Variants in CNTN1 observed in about 807,000 individuals in gnomAD.
CNTN1 encodes the protein contactin-1.
Under a neutral mutation model 126.4 loss-of-function variants are expected in CNTN1, and 38 were observed. That is an observed-to-expected ratio of 0.30 (90% CI 0.23 to 0.39). The LOEUF (loss-of-function observed/expected upper bound fraction) is 0.39, where lower values mean the gene tolerates loss of function less well. Among genes scored for constraint, CNTN1 ranks in the 10% least tolerant of loss-of-function variants. CNTN1 has a pLI of 1.00. For synonymous variants in CNTN1, 413 were observed against 422.6 expected (o/e 0.98, Z 0.28); for missense variants, 1,009 against 1,248.4 (o/e 0.81, Z 2.89).
intron 1 of CNTN1, among the ~76,000 whole-genome samples, chr12:40,705,970 C>T (rs1941728359): frequency 6.6e-6 from 1 of 151,890 alleles, no homozygotes; most frequent in Admixed American, 6.6e-5. Flanking sequence ...TGGTGCTAAA[C>T]CATTCATGAG....
In CNTN1 at chr12:40,785,950, G is replaced by A. The variant is rs144249498; in HGVS notation, c.-77+93358G>A. On this transcript the variant is annotated intron_variant, in intron 1 of 23. Coordinates refer to ENST00000551295, the MANE Select transcript of CNTN1 (RefSeq NM_001843.4). ...TTGACCTGGCCTCACCTACAACATT[G>A]GGGATTACATTTCGACATGAGATTC... is the stretch of plus-strand genomic sequence containing the variant. Among the ~76,000 whole-genome samples, 13 of 152,172 alleles carry A rather than the reference G, an allele frequency of 8.5e-5. No homozygotes were observed. In the East Asian group the frequency reaches 2.5e-3, roughly 29 times the overall value.
At chr12:40,927,911 A>G (rs1462722041) in intron 6 of CNTN1, among the ~76,000 whole-genome samples, 3 of 152,010 alleles carry the variant, frequency 2.0e-5, no homozygotes, top group Non-Finnish European at 4.4e-5. Context: ...TCCTTTTCAC[A>G]CATCTCTTAT....
At chr12:40,807,341 C>T (rs1210534523) in intron 1 of CNTN1, among the ~76,000 whole-genome samples, 1 of 151,942 alleles carries the variant, frequency 6.6e-6, no homozygotes, top group East Asian at 1.9e-4. Context: ...TTATCCCCAT[C>T]CCTACATGGT....
At chr12:41,023,476 G>C (rs926816335) in intron 20 of CNTN1, among the ~76,000 whole-genome samples, 9 of 152,178 alleles carry the variant, frequency 5.9e-5, no homozygotes, top group Admixed American at 5.9e-4. Context: ...AAGAATACAA[G>C]AAGTCTTTCT....
At chr12:40,747,965 T>G (rs528113313) in intron 1 of CNTN1, among the ~76,000 whole-genome samples, 2 of 152,292 alleles carry the variant, frequency 1.3e-5, no homozygotes, top group East Asian at 3.9e-4. Flanking sequence ...TAGATCTCTG[T>G]GCAGGCAGAG....
intron 23 of CNTN1, among the ~76,000 whole-genome samples, chr12:41,036,983 C>G (rs1411559603): frequency 1.3e-5 from 2 of 152,072 alleles, no homozygotes; most frequent in Non-Finnish European, 2.9e-5. Flanking sequence ...TGTAAATATA[C>G]AGATGTATTT....
chr12:40,990,996 G>A (rs79909798), intron 16 of CNTN1, among the ~76,000 whole-genome samples: 1 of 152,114 alleles, frequency 6.6e-6, no homozygotes, highest in African/African-American at 2.4e-5. Context: ...CTCACAAATA[G>A]CTCCATCAGC....
intron 1 of CNTN1, among the ~76,000 whole-genome samples, chr12:40,753,254 T>C (rs1428343021): frequency 6.6e-6 from 1 of 152,160 alleles, no homozygotes; most frequent in African/African-American, 2.4e-5. Context: ...TGTTGCTTTC[T>C]TAACTTTCTG....
intron 1 of CNTN1, among the ~76,000 whole-genome samples, chr12:40,732,810 C>G (rs1160375691): frequency 1.3e-5 from 2 of 151,978 alleles, no homozygotes; most frequent in African/African-American, 4.8e-5. Context: ...ATAAAACTCC[C>G]TAATCCAGTA....
intron 16 of CNTN1, among the ~76,000 whole-genome samples, chr12:40,982,356 G>A (rs1052594467): frequency 6.6e-6 from 1 of 151,996 alleles, no homozygotes; most frequent in Admixed American, 6.6e-5. Context: ...TGAAGAGAAT[G>A]GAAAAGTATG....
chr12:40,742,562 C>G (rs995610104), intron 1 of CNTN1: 3 of 149,746 alleles, frequency 2.0e-5, no homozygotes, highest in African/African-American at 7.4e-5. Context: ...TTCTGTGAGA[C>G]AGAGTTTCAG....
chr12:41,030,293 A>G (rs1949122219), intron 23 of CNTN1, among the ~76,000 whole-genome samples: 1 of 152,102 alleles, frequency 6.6e-6, no homozygotes, highest in Non-Finnish European at 1.5e-5. Flanking sequence ...AGAGTATTTA[A>G]TGGTATTTAA....
At position 40,943,618 on chromosome 12, in the gene CNTN1, T is replaced by C. The variant is rs61759480; in HGVS notation, c.1401T>C (p.Gly467=). ...NSSRILIWED[G]SLEINNITRN... is the part of the protein sequence containing the mutation. Reference sequence around the variant, plus strand: ...CTAGAATACTCATTTGGGAAGATGGTAGCTTGGAAATCAACAACATTACAA... The same window carrying C: ...CTAGAATACTCATTTGGGAAGATGGCAGCTTGGAAATCAACAACATTACAA... The change falls in exon 13 of 24, where the codon GGT becomes GGC. Residue 467 remains glycine, a synonymous_variant. Coordinates refer to ENST00000551295, the MANE Select transcript of CNTN1 (RefSeq NM_001843.4). The C allele has an allele frequency of 3.4e-3, 5,421 of 1,588,330 alleles. 24 individuals are homozygous for C. Among genetic ancestry groups the C allele is most frequent in the Non-Finnish European group, 4.4e-3 (5,033 of 1,156,756 alleles).
intron 1 of CNTN1, among the ~76,000 whole-genome samples, chr12:40,808,009 C>A (rs900212483): frequency 2.6e-5 from 4 of 152,102 alleles, no homozygotes; most frequent in Non-Finnish European, 5.9e-5. Flanking sequence ...GACAGTATAA[C>A]TGCCTTTGAT....
intron 1 of CNTN1, among the ~76,000 whole-genome samples, chr12:40,758,176 G>A (rs1009910085): frequency 6.6e-6 from 1 of 150,638 alleles, no homozygotes; most frequent in African/African-American, 2.4e-5. Context: ...ATGCCATTCT[G>A]TAATCACATC....
intron 1 of CNTN1, among the ~76,000 whole-genome samples, chr12:40,841,643 G>A (rs1156427090): frequency 6.6e-6 from 1 of 151,668 alleles, no homozygotes; most frequent in Non-Finnish European, 1.5e-5. Flanking sequence ...CTATAAAGGT[G>A]ATACATTACA....
intron 1 of CNTN1, among the ~76,000 whole-genome samples, chr12:40,767,304 CTTTT>C (rs10639318): frequency 1.1e-5 from 1 of 89,712 alleles, no homozygotes; most frequent in Non-Finnish European, 2.0e-5. Flanking sequence ...CTGACCTTTC[CTTTT>C]TTTTTTTTTT....
intron 1 of CNTN1, among the ~76,000 whole-genome samples, chr12:40,906,601 A>C (rs1412323454): frequency 1.3e-5 from 2 of 151,808 alleles, no homozygotes; most frequent in African/African-American, 2.4e-5. Context: ...GCTGTTTTAA[A>C]TATGTTCGAC....
At chr12:40,927,019 G>A (rs552795329) in intron 6 of CNTN1, among the ~76,000 whole-genome samples, 2 of 152,136 alleles carry the variant, frequency 1.3e-5, no homozygotes, top group Admixed American at 1.3e-4. Context: ...AGTTCTATAT[G>A]TGTGTAGATG....
Sources: allele counts gnomAD v4.1 joint callset (sites outside exome capture counted in the v4.1 genomes callset), GRCh38; gene constraint gnomAD v4.1.1; transcripts MANE v1.5; gene names NCBI Gene and HGNC (gene_info 2026-07-23, HGNC 2026-07-21).